ATG7: variants seen among roughly 807,000 people sequenced by gnomAD.
ATG7 encodes ubiquitin-like modifier-activating enzyme ATG7.
In ATG7, 70 loss-of-function variants were observed where a neutral mutation model predicts 82.4. The ratio of observed to expected loss-of-function variants is 0.85; its 90% CI spans 0.70 to 1.04. ATG7 has a LOEUF of 1.04. ATG7 is among the 50% of genes least tolerant of loss of function. ATG7 has a pLI of 0.00. For missense variants in ATG7, 792 were observed against 864.3 expected (o/e 0.92, Z 1.05); for synonymous variants, 287 against 313.0 (o/e 0.92, Z 0.88).
chr3:11,497,533 C>CAAAAAAAAAAA (rs760302631), intron 20 of ATG7, among the ~76,000 whole-genome samples: 1 of 77,450 alleles, frequency 1.3e-5, no homozygotes, highest in Non-Finnish European at 2.6e-5. Context: ...GAGACTCCAC[C>CAAAAAAAAAAA]AAAAAAAAAA....
chr3:11,273,028 A>G (rs1048358042), intron 1 of ATG7, among the ~76,000 whole-genome samples: 1 of 152,262 alleles, frequency 6.6e-6, no homozygotes, highest in African/African-American at 2.4e-5. Flanking sequence ...TTTTATAAGT[A>G]CAGTACTAAC....
rs1395426375 is a variant in ATG7 at position 11,407,687 on chromosome 3, C to G, written c.1957-19117C>G. Among the ~76,000 whole-genome samples the G allele has an allele frequency of 2.0e-5, 3 of 152,210 alleles. No homozygotes were observed. In the East Asian group the frequency reaches 5.8e-4, roughly 29 times the overall value. ...TTCTTGACTTCTGTGTACTTGCAGG[C>G]TCAAAACCACGTGGAAGCTGTCAAG... On this transcript the variant is annotated intron_variant, in intron 19 of 20. Coordinates refer to ENST00000693202, the MANE Select transcript of ATG7 (RefSeq NM_001349232.2).
intron 1 of ATG7, among the ~76,000 whole-genome samples, chr3:11,275,238 T>G (rs1303487011): frequency 6.6e-6 from 1 of 152,238 alleles, no homozygotes; most frequent in South Asian, 2.1e-4. Flanking sequence ...TTGACTAGTG[T>G]CTCTAATAGA....
chr3:11,421,534 T>C (rs2081945113), intron 19 of ATG7, among the ~76,000 whole-genome samples: 1 of 152,230 alleles, frequency 6.6e-6, no homozygotes, highest in Admixed American at 6.5e-5. Context: ...GCTCCACTTT[T>C]AGTTCCCTTG....
chr3:11,567,833 C>G, the ATG7 span, among the ~76,000 whole-genome samples: 6 of 152,222 alleles, frequency 3.9e-5, no homozygotes, highest in Non-Finnish European at 7.3e-5. Context: ...GATAAAGATA[C>G]AATTTTATTG....
intron 20 of ATG7, among the ~76,000 whole-genome samples, chr3:11,489,402 C>G (rs1041393517): frequency 6.6e-6 from 1 of 151,936 alleles, no homozygotes; most frequent in African/African-American, 2.4e-5. Flanking sequence ...AGTGGTCTAT[C>G]AATTTTATTG....
intron 20 of ATG7, among the ~76,000 whole-genome samples, chr3:11,533,503 G>A (rs2124988824): frequency 6.8e-6 from 1 of 146,154 alleles, no homozygotes; most frequent in East Asian, 2.0e-4. Flanking sequence ...TCTTCTCCAG[G>A]TAGTTTGGGA....
At chr3:11,420,230 C>G (rs925362373) in intron 19 of ATG7, among the ~76,000 whole-genome samples, 5 of 152,156 alleles carry the variant, frequency 3.3e-5, no homozygotes, top group African/African-American at 1.2e-4. Context: ...ACTGGAGAAC[C>G]CTTACATGAT....
the ATG7 span, among the ~76,000 whole-genome samples, chr3:11,573,351 GAAAGAAAGAAAGAAAGAA>G: frequency 2.3e-5 from 2 of 87,244 alleles, no homozygotes; most frequent in South Asian, 3.3e-4. Flanking sequence ...AAGAAAGAAA[GAAAGAAAGAAAGAAAGAA>G]AGAAAGAAAG....
chr3:11,430,369 T>A (rs1415248923), intron 20 of ATG7, among the ~76,000 whole-genome samples: 2 of 152,168 alleles, frequency 1.3e-5, no homozygotes, highest in Admixed American at 1.3e-4. Flanking sequence ...AAAAGTAGTG[T>A]TTTGATTTAC....
chr3:11,397,959 C>T (rs2079462589), intron 19 of ATG7, among the ~76,000 whole-genome samples: 1 of 151,346 alleles, frequency 6.6e-6, no homozygotes. Flanking sequence ...TGGCACATGC[C>T]TGTAGTCCCA....
At chr3:11,479,918 C>T (rs2088722854) in intron 20 of ATG7, among the ~76,000 whole-genome samples, 1 of 151,878 alleles carries the variant, frequency 6.6e-6, no homozygotes, top group Non-Finnish European at 1.5e-5. Flanking sequence ...GCACTGCCTG[C>T]CCTGGAATCA....
At chr3:11,402,312 A>G (rs2152897464) in intron 19 of ATG7, among the ~76,000 whole-genome samples, 1 of 152,350 alleles carries the variant, frequency 6.6e-6, no homozygotes, top group East Asian at 1.9e-4. Context: ...AGGCGCCTGT[A>G]ATCCCAGCTA....
intron 9 of ATG7, among the ~76,000 whole-genome samples, chr3:11,330,792 A>G (rs1951535872): frequency 6.6e-6 from 1 of 152,176 alleles, no homozygotes; most frequent in East Asian, 1.9e-4. Context: ...AAGAAACGGT[A>G]TTTTAAATTG....
chr3:11,310,563 TA>T (rs1466178225), intron 7 of ATG7, among the ~76,000 whole-genome samples: 1 of 152,208 alleles, frequency 6.6e-6, no homozygotes, highest in East Asian at 1.9e-4. Flanking sequence ...GAAAAATGTT[TA>T]AATTTTTTGT....
intron 20 of ATG7, among the ~76,000 whole-genome samples, chr3:11,543,625 C>T (rs1056483184): frequency 2.0e-5 from 3 of 152,176 alleles, no homozygotes; most frequent in African/African-American, 4.8e-5. Flanking sequence ...CAAGGCTGGC[C>T]GCGGTGGCTC....
intron 20 of ATG7, among the ~76,000 whole-genome samples, chr3:11,534,279 C>T (rs905140231): frequency 1.3e-5 from 2 of 152,232 alleles, no homozygotes; most frequent in East Asian, 3.8e-4. Context: ...TGGACTGAGT[C>T]GATTCTGCGG....
rs200350728 is a variant in ATG7 at position 11,298,732 on chromosome 3, C to T, written c.37C>T (p.Leu13=). 77 of 1,614,068 alleles carry T rather than the reference C, an allele frequency of 4.8e-5. No individual in the cohort carries two copies. In the Middle Eastern group the frequency reaches 1.2e-3, roughly 24 times the overall value. The change falls in exon 4 of 21, where the codon CTG becomes TTG. Residue 13 remains leucine, a synonymous_variant. Transcript: ENST00000693202. ...AATGDPGLSK[L]QFAPFSSALD... ...TACGGGGGATCCTGGACTCTCTAAA[C>T]TGCAGTTTGCCCCTTTTAGTAGTGC...
In ATG7 at chr3:11,555,544, TG is replaced by T. The variant is rs2072321845; in HGVS notation, c.*707del. On this transcript the variant is annotated 3_prime_UTR_variant, in exon 21 of 21. Transcript: ENST00000693202. ...AGGAGTTTCTGCTGCTGCCTTGAGC[TG>T]GGGGGAAGAGCCCAGGGGCAGATCC... is the stretch of plus-strand genomic sequence containing the variant. The T allele has an allele frequency of 6.5e-6, 1 of 152,992 alleles. No individual in the cohort carries two copies. Among genetic ancestry groups the T allele is most frequent in the Non-Finnish European group, 1.5e-5 (1 of 68,722 alleles). The allele number at this position is 152,992 out of a possible 1,614,324, so 9.5% of individuals were successfully genotyped here.
Sources: allele counts gnomAD v4.1 joint callset (sites outside exome capture counted in the v4.1 genomes callset), GRCh38; gene constraint gnomAD v4.1.1; transcripts MANE v1.5; gene names NCBI Gene and HGNC (gene_info 2026-07-23, HGNC 2026-07-21).